KHDRBS3: variants seen among roughly 807,000 people sequenced by gnomAD.
KHDRBS3 encodes KH RNA binding domain containing, signal transduction associated 3.
In KHDRBS3, 23 loss-of-function variants were observed where a neutral mutation model predicts 45.6. The ratio of observed to expected loss-of-function variants is 0.50; its 90% confidence interval spans 0.36 to 0.72. KHDRBS3 has a LOEUF of 0.72. Among genes scored for constraint, KHDRBS3 ranks in the 30% least tolerant of loss-of-function variants. The probability of loss-of-function intolerance (pLI) is 0.00; values close to 1 mark genes in which losing one functional copy is unlikely to be tolerated. For synonymous variants in KHDRBS3, 162 were observed against 156.5 expected, an observed-to-expected ratio of 1.04 and a Z score of -0.26; for missense variants, 352 against 424.8, an observed-to-expected ratio of 0.83 and a Z score of 1.51.
chr8:135,517,055 A>G (rs1413957245), intron 1 of KHDRBS3, among the ~76,000 whole-genome samples: 2 of 152,222 alleles, frequency 1.3e-5, no homozygotes, highest in African/African-American at 2.4e-5. Context: ...GTTCTGTACT[A>G]GACCAAAGCA....
intron 7 of KHDRBS3, among the ~76,000 whole-genome samples, chr8:135,628,897 G>A (rs1011360624): frequency 2.0e-5 from 3 of 152,228 alleles, no homozygotes; most frequent in Admixed American, 6.5e-5. Context: ...AGACCTGTTC[G>A]AGGGTATTAC....
intron 1 of KHDRBS3, among the ~76,000 whole-genome samples, chr8:135,519,246 C>G (rs1217800783): frequency 2.0e-5 from 3 of 152,146 alleles, no homozygotes; most frequent in Non-Finnish European, 4.4e-5. Context: ...ATAGTGTTTT[C>G]AGACACTTAC....
chr8:135,532,447 G>C (rs975510235), intron 2 of KHDRBS3, among the ~76,000 whole-genome samples: 1 of 152,198 alleles, frequency 6.6e-6, no homozygotes, highest in Non-Finnish European at 1.5e-5. Context: ...GTAAAGTACA[G>C]AAAGCAAGTG....
chr8:135,606,781 A>G (rs949760005), intron 6 of KHDRBS3, among the ~76,000 whole-genome samples, 174 bp from the exon 7 acceptor site: 2 of 152,224 alleles, frequency 1.3e-5, no homozygotes, highest in Non-Finnish European at 2.9e-5. Context: ...TTGCTTTTGT[A>G]GAGAGAATGT....
chr8:135,536,993 AAAAAG>A lies in KHDRBS3; in HGVS notation c.208-5660_208-5656del, dbSNP rs1251195017. ...AAAAAAAAAAAAAAAAAAAAAAAAA[AAAAAG>A]GAGATGTTTAGGAGGTAAAATCATT... On this transcript the variant is annotated intron_variant, in intron 2 of 8. Transcript: ENST00000355849. Among the ~76,000 whole-genome samples, 52 of 16,480 alleles carry A rather than the reference AAAAAG, an allele frequency of 3.2e-3. 1 individual carries two copies. The highest frequency in any genetic ancestry group is 8.4e-3 in the African/African-American group (37 of 4,396). 10.8% of individuals were successfully genotyped at this position (16,480 alleles called of 152,430 possible).
At chr8:135,552,649 T>A (rs1428568674) in intron 4 of KHDRBS3, among the ~76,000 whole-genome samples, 3 of 152,210 alleles carry the variant, frequency 2.0e-5, no homozygotes, top group Admixed American at 6.5e-5. Flanking sequence ...AGGTGTTTTT[T>A]AATTTTTTTT....
At chr8:135,619,397 T>A (rs1247912142) in intron 7 of KHDRBS3, among the ~76,000 whole-genome samples, 2 of 150,560 alleles carry the variant, frequency 1.3e-5, no homozygotes, top group African/African-American at 4.9e-5. Context: ...TATAGCCCAA[T>A]AAGACATCTT....
intron 1 of KHDRBS3, among the ~76,000 whole-genome samples, chr8:135,488,757 A>G (rs1018007195): frequency 1.3e-5 from 2 of 152,274 alleles, no homozygotes; most frequent in Non-Finnish European, 2.9e-5. Context: ...GCTACTAAAC[A>G]GCATCCATGA....
chr8:135,527,222 GT>G (rs957929451), intron 2 of KHDRBS3, among the ~76,000 whole-genome samples: 2 of 151,884 alleles, frequency 1.3e-5, no homozygotes, highest in Admixed American at 6.6e-5. Flanking sequence ...AAAACTGCCA[GT>G]TTTTTTTGGT....
intron 7 of KHDRBS3, among the ~76,000 whole-genome samples, chr8:135,615,669 CAT>C (rs1471247538): frequency 6.6e-6 from 1 of 152,140 alleles, no homozygotes; most frequent in African/African-American, 2.4e-5. Context: ...ATATCAAACA[CAT>C]GATTTTATGA....
At chr8:135,567,047 G>A (rs1827456854) in intron 5 of KHDRBS3, among the ~76,000 whole-genome samples, 1 of 152,084 alleles carries the variant, frequency 6.6e-6, no homozygotes, top group Admixed American at 6.6e-5. Context: ...ACTCCTGAAC[G>A]CCTCTGAATT....
At chr8:135,469,365 A>T (rs889986047) in intron 1 of KHDRBS3, among the ~76,000 whole-genome samples, 9 of 152,152 alleles carry the variant, frequency 5.9e-5, no homozygotes, top group Admixed American at 5.9e-4. Context: ...GCTCACTGCA[A>T]GCTCCGCCTC....
chr8:135,484,323 CCTT>C (rs1274787307), intron 1 of KHDRBS3, among the ~76,000 whole-genome samples: 2 of 152,236 alleles, frequency 1.3e-5, no homozygotes, highest in Non-Finnish European at 2.9e-5. Context: ...CATCGCTAGA[CCTT>C]CTTCCCTAAG....
intron 7 of KHDRBS3, among the ~76,000 whole-genome samples, chr8:135,630,482 A>AATGTATTTATGTATGTATGTATGTATGT (rs1830549237): frequency 1.3e-5 from 2 of 150,886 alleles, no homozygotes; most frequent in Non-Finnish European, 1.5e-5. Flanking sequence ...TATAAAGTTT[A>AATGTATTTATGTATGTATGTATGTATGT]ATGTATGTAT....
At chr8:135,579,322 G>T (rs1198595934) in intron 5 of KHDRBS3, among the ~76,000 whole-genome samples, 1 of 152,092 alleles carries the variant, frequency 6.6e-6, no homozygotes, top group Admixed American at 6.5e-5. Context: ...ATATGTTGCA[G>T]GTTTGCTGTA....
At chr8:135,602,176 G>T (rs1437072385) in intron 6 of KHDRBS3, among the ~76,000 whole-genome samples, 1 of 152,162 alleles carries the variant, frequency 6.6e-6, no homozygotes, top group Non-Finnish European at 1.5e-5. Flanking sequence ...TGTTCAACAA[G>T]AATTCCCTGT....
intron 5 of KHDRBS3, among the ~76,000 whole-genome samples, chr8:135,566,639 G>A (rs1827430720): frequency 6.6e-6 from 1 of 152,100 alleles, no homozygotes; most frequent in African/African-American, 2.4e-5. Flanking sequence ...AAGATCACTT[G>A]AGCCCATGAG....
chr8:135,610,999 A>G (rs1396615652), intron 7 of KHDRBS3, among the ~76,000 whole-genome samples: 1 of 151,946 alleles, frequency 6.6e-6, no homozygotes, highest in Middle Eastern at 3.2e-3. Flanking sequence ...GGATTGGCAG[A>G]TGGTGAGCCC....
chr8:135,504,289 A>G (rs542049571), intron 1 of KHDRBS3, among the ~76,000 whole-genome samples: 1 of 152,268 alleles, frequency 6.6e-6, no homozygotes, highest in South Asian at 2.1e-4. Flanking sequence ...CTGTTCTGGG[A>G]GTGCCAAAGC....
Sources: allele counts gnomAD v4.1 joint callset (sites outside exome capture counted in the v4.1 genomes callset), GRCh38; gene constraint gnomAD v4.1.1; transcripts MANE v1.5; gene names NCBI Gene and HGNC (gene_info 2026-07-23, HGNC 2026-07-21).